Variants in MDFIC observed in about 807,000 individuals in gnomAD.
MDFIC encodes MyoD family inhibitor domain containing.
In MDFIC, 17 loss-of-function variants were observed where a neutral mutation model predicts 23.2. The observed-to-expected ratio is 0.73, with a 90% CI of 0.50 to 1.10. The LOEUF is 1.10. MDFIC is among the 50% of genes least tolerant of loss of function. The pLI, the probability that MDFIC is intolerant of heterozygous loss-of-function variation, is 0.00. For synonymous variants in MDFIC, 120 were observed against 115.2 expected (o/e 1.04, Z -0.27); for missense variants, 356 against 316.6 (o/e 1.12, Z -0.95).
intron 3 of MDFIC, among the ~76,000 whole-genome samples, chr7:114,977,550 C>T (rs1031779346): frequency 6.6e-6 from 1 of 152,156 alleles, no homozygotes; most frequent in African/African-American, 2.4e-5. Flanking sequence ...AGCCATACTT[C>T]TCTTCTGGCA....
chr7:114,984,588 T>C (rs1793477919), intron 4 of MDFIC, among the ~76,000 whole-genome samples: 2 of 152,232 alleles, frequency 1.3e-5, no homozygotes, highest in South Asian at 4.1e-4. Context: ...TCTACTTGTT[T>C]TGTATAATTA....
chr7:114,963,436 T>C (rs1793032665), intron 3 of MDFIC, among the ~76,000 whole-genome samples: 1 of 152,194 alleles, frequency 6.6e-6, no homozygotes, highest in South Asian at 2.1e-4. Context: ...CTGTTGCTCC[T>C]TGTCTTTGTG....
chr7:114,931,543 A>G (rs757558383), intron 2 of MDFIC, among the ~76,000 whole-genome samples: 5 of 152,356 alleles, frequency 3.3e-5, no homozygotes, highest in South Asian at 2.1e-4. Flanking sequence ...TTTGCCCACA[A>G]TGAATTTCTC....
intron 4 of MDFIC, among the ~76,000 whole-genome samples, chr7:114,999,802 A>G (rs1791423790): frequency 6.6e-6 from 1 of 152,100 alleles, no homozygotes; most frequent in South Asian, 2.1e-4. Flanking sequence ...GAGAAAAGAT[A>G]ACCAAATTAA....
intron 3 of MDFIC, among the ~76,000 whole-genome samples, chr7:114,948,675 T>C (rs529002938): frequency 2.0e-4 from 31 of 152,228 alleles, no homozygotes; most frequent in African/African-American, 7.5e-4. Flanking sequence ...CTAACAGATG[T>C]GTGTAATCCT....
intron 3 of MDFIC, among the ~76,000 whole-genome samples, chr7:114,973,101 G>GTATA (rs61549771): frequency 0.024 from 3,581 of 147,674 alleles, 46 homozygotes; most frequent in African/African-American, 0.03. Context: ...GTGTGTGTGT[G>GTATA]TATATATATA....
chr7:114,961,696 G>A (rs1173744615), intron 3 of MDFIC, among the ~76,000 whole-genome samples: 1 of 152,162 alleles, frequency 6.6e-6, no homozygotes, highest in East Asian at 1.9e-4. Context: ...TACATGGCCA[G>A]AGCATGAGGA....
chr7:114,979,371 C>G (rs775959437), intron 3 of MDFIC, 135 bp from the exon 4 acceptor site: 22 of 881,824 alleles, frequency 2.5e-5, no homozygotes, highest in Non-Finnish European at 2.7e-5. Flanking sequence ...ATTTTTCTTT[C>G]TTTTCTTTGT....
intron 4 of MDFIC, among the ~76,000 whole-genome samples, chr7:114,985,993 T>G (rs867000649): frequency 5.3e-5 from 8 of 151,932 alleles, no homozygotes; most frequent in African/African-American, 1.9e-4. Flanking sequence ...CTGCTATGTA[T>G]TAACCTGCCC....
At chr7:114,990,050 A>G (rs1585115536) in intron 4 of MDFIC, among the ~76,000 whole-genome samples, 1 of 152,354 alleles carries the variant, frequency 6.6e-6, no homozygotes, top group East Asian at 1.9e-4. Context: ...AGAAAATATA[A>G]GTAAAGAAAC....
rs966930196 is a variant in MDFIC, at chr7:114,929,169, T to A, written c.94+6042T>A. On this transcript the variant is annotated intron_variant, in intron 2 of 4. Coordinates refer to ENST00000393486, the MANE Select transcript of MDFIC (RefSeq NM_001166345.3). The stretch of plus-strand genomic sequence containing the variant: ...TTGCCCAGGCTGGAGTGTAGTGGCA[T>A]GATCTCGGCTCACTGCAACTTCCAC... 2.0e-5 allele frequency among the ~76,000 whole-genome samples: 3 copies of A among 151,752 alleles called. No individual in the cohort carries two copies. The East Asian group carries it at 5.8e-4, about 29-fold the overall frequency.
chr7:114,984,913 C>T (rs966531276), intron 4 of MDFIC, among the ~76,000 whole-genome samples: 5 of 152,138 alleles, frequency 3.3e-5, no homozygotes, highest in African/African-American at 1.2e-4. Context: ...TGATATTCTG[C>T]ATTTAGTATG....
chr7:115,008,866 A>G (rs1344461986), intron 4 of MDFIC, among the ~76,000 whole-genome samples: 1 of 152,232 alleles, frequency 6.6e-6, no homozygotes, highest in African/African-American at 2.4e-5. Flanking sequence ...AGCAGTATCT[A>G]GGAAGAGGAA....
At chr7:114,987,877 T>G (rs544973148) in intron 4 of MDFIC, among the ~76,000 whole-genome samples, 3 of 152,314 alleles carry the variant, frequency 2.0e-5, no homozygotes, top group African/African-American at 7.2e-5. Flanking sequence ...AAGTAAACAT[T>G]TAAGTGCCTT....
intron 4 of MDFIC, among the ~76,000 whole-genome samples, chr7:114,999,868 T>A (rs1199276505): frequency 6.6e-6 from 1 of 152,180 alleles, no homozygotes; most frequent in South Asian, 2.1e-4. Context: ...ATTATACATA[T>A]AGGCAATAAA....
At chr7:114,962,567 G>A (rs1307323225) in intron 3 of MDFIC, among the ~76,000 whole-genome samples, 1 of 152,144 alleles carries the variant, frequency 6.6e-6, no homozygotes, top group African/African-American at 2.4e-5. Context: ...CCAGTGAAGT[G>A]CATAAGGCAG....
At chr7:115,009,721 G>A (rs1355880396) in intron 4 of MDFIC, among the ~76,000 whole-genome samples, 1 of 152,176 alleles carries the variant, frequency 6.6e-6, no homozygotes, top group African/African-American at 2.4e-5. Context: ...CTGCCTAAGC[G>A]TAACACTGAT....
intron 3 of MDFIC, among the ~76,000 whole-genome samples, chr7:114,958,397 T>G (rs1318058844): frequency 6.6e-6 from 1 of 152,218 alleles, no homozygotes; most frequent in Non-Finnish European, 1.5e-5. Flanking sequence ...TTGCATAATT[T>G]TGTGAAGTCT....
chr7:114,972,732 C>T (rs559936198), intron 3 of MDFIC, among the ~76,000 whole-genome samples: 4 of 151,966 alleles, frequency 2.6e-5, no homozygotes, highest in African/African-American at 9.7e-5. Flanking sequence ...GGGCTCAAGC[C>T]ATCCTCCCAC....
Sources: gnomAD v4.1 joint callset for allele counts (sites outside exome capture counted in the v4.1 genomes callset) on GRCh38, gnomAD v4.1.1 for gene constraint, MANE v1.5 for transcripts, NCBI Gene and HGNC (gene_info 2026-07-23, HGNC 2026-07-21) for gene names.